DDX55: variants seen among roughly 807,000 people sequenced by gnomAD.
The protein encoded by DDX55 is DEAD-box helicase 55.
A neutral mutation model predicts 69.2 loss-of-function variants in DDX55; 56 were observed. The ratio of observed to expected loss-of-function variants is 0.81; its 90% CI spans 0.65 to 1.01. The LOEUF (loss-of-function observed/expected upper bound fraction) is 1.01. Among genes scored for constraint, DDX55 ranks in the 50% least tolerant of loss-of-function variants. The pLI is 0.00. For missense variants in DDX55, 720 were observed against 745.1 expected (o/e 0.97, Z 0.39); for synonymous variants, 268 against 273.1 (o/e 0.98, Z 0.18).
At position 123,613,182 on chromosome 12, in the gene DDX55, G is replaced by A; in HGVS notation, c.754G>A (p.Asp252Asn). ...TTTTATTTTGCAGGTATGCAAGGCA[G>A]ATGAGAAATTTAATCAGCTGGTCCA... The part of the protein sequence containing the change: ...LENYYMVCKA[D>N]EKFNQLVHFL... The change falls in exon 8 of 14, where the codon GAT becomes AAT. Residue 252 changes from aspartate (D) to asparagine (N), a missense_variant. Asp to Asn is a conservative substitution (Grantham distance 23, BLOSUM62 1). Coordinates refer to ENST00000238146, the MANE Select transcript of DDX55 (RefSeq NM_020936.3). 6.2e-7 allele frequency: 1 copy of A among 1,614,128 alleles called. No homozygotes were observed. Among genetic ancestry groups the A allele is most frequent in the East Asian group, 2.2e-5 (1 of 44,882 alleles).
intron 11 of DDX55, 40 bp downstream of exon 11, chr12:123,617,912 G>T: frequency 6.4e-7 from 1 of 1,564,188 alleles, no homozygotes; most frequent in Non-Finnish European, 8.8e-7. Context: ...GCCTAGTGAC[G>T]GGGTAGCTGG....
At chr12:123,619,759 C>A in intron 13 of DDX55, 35 bp downstream of exon 13, 2 of 1,544,072 alleles carry the variant, frequency 1.3e-6, no homozygotes, top group Non-Finnish European at 1.7e-6. Context: ...AACTTAGAAT[C>A]TTGAACAAAT....
chr12:123,610,651 G>A (rs1292156722), intron 7 of DDX55, among the ~76,000 whole-genome samples: 1 of 123,468 alleles, frequency 8.1e-6, no homozygotes, highest in Non-Finnish European at 1.6e-5. Flanking sequence ...TGGCTCTGTC[G>A]CCCAGGCTGG....
chr12:123,620,933 G>C lies in DDX55; in HGVS notation c.*793G>C, dbSNP rs1955084817. 1 of 152,092 alleles carries C rather than the reference G, an allele frequency of 6.6e-6. No homozygotes were observed. The highest frequency in any genetic ancestry group is 2.4e-5 in the African/African-American group (1 of 41,408). 9.4% of individuals were successfully genotyped at this position (152,092 alleles called of 1,614,324 possible). A position where few individuals can be genotyped will look rare whatever the true frequency, so the allele number is the denominator to read the frequency against. On this transcript the variant is annotated 3_prime_UTR_variant, in exon 14 of 14. Coordinates refer to ENST00000238146, the MANE Select transcript of DDX55 (RefSeq NM_020936.3). ...CCTCCTGTTGAATAAATGGTGTCCT[G>C]ATTGCCTGGGTCTTAAGTGTGTAAA... is the stretch of plus-strand genomic sequence containing the variant.
intron 7 of DDX55, among the ~76,000 whole-genome samples, chr12:123,612,838 AG>A (rs554408704): frequency 1.5e-5 from 2 of 135,696 alleles, no homozygotes; most frequent in African/African-American, 6.3e-5. Flanking sequence ...AAAAAAAAGA[AG>A]AAAAAAAAAG....
chr12:123,614,400 G>C (rs1048736628), intron 8 of DDX55, among the ~76,000 whole-genome samples: 2 of 152,186 alleles, frequency 1.3e-5, no homozygotes, highest in Admixed American at 1.3e-4. Context: ...CTAGTGGGAG[G>C]AGCATTAGAC....
rs1555284663 is a variant in DDX55, at chr12:123,620,619, T to TATATAA, written c.*484_*485insAATATA. On this transcript the variant is annotated 3_prime_UTR_variant, in exon 14 of 14. Coordinates refer to ENST00000238146, the MANE Select transcript of DDX55 (RefSeq NM_020936.3). ...ATATATATATATATATATATATATATATATATATAAGCTCTTTTTTCTGAG... is the reference window on the plus strand; with the variant it reads ...ATATATATATATATATATATATATATATATAAATATATATAAGCTCTTTTTTCTGAG... 89 of 120,546 alleles carry TATATAA rather than the reference T, an allele frequency of 7.4e-4. 1 individual carries two copies. Among genetic ancestry groups the TATATAA allele is most frequent in the African/African-American group, 2.9e-3 (80 of 27,298 alleles). 7.5% of individuals were successfully genotyped at this position (120,546 alleles called of 1,614,324 possible).
At position 123,607,529 on chromosome 12, in the gene DDX55, T is replaced by C. The variant is rs778710492; in HGVS notation, c.338+6T>C. On this transcript the variant is annotated splice_donor_region_variant and intron_variant, in intron 4 of 13. Coordinates refer to ENST00000238146, the MANE Select transcript of DDX55 (RefSeq NM_020936.3). ...AAGCACTTCCCCGAGTTCAGGTGAATTGGATGCAGTGTCCCTGTTAGTCAT... is the reference window on the plus strand; with the variant it reads ...AAGCACTTCCCCGAGTTCAGGTGAACTGGATGCAGTGTCCCTGTTAGTCAT... 5.6e-6 allele frequency: 9 copies of C among 1,614,190 alleles called. No individual in the cohort carries two copies. Among genetic ancestry groups the C allele is most frequent in the Middle Eastern group, 1.6e-4 (1 of 6,062 alleles).
At chr12:123,605,149 T>C (rs1290528300) in intron 1 of DDX55, 1 of 152,704 alleles carries the variant, frequency 6.5e-6, no homozygotes, top group African/African-American at 2.4e-5. Context: ...GCCTCCTGAG[T>C]AGCTGGGACT....
At chr12:123,603,209 G>C (rs1306561864) in intron 1 of DDX55, among the ~76,000 whole-genome samples, 3 of 152,074 alleles carry the variant, frequency 2.0e-5, no homozygotes. Context: ...GGCCTTTCCA[G>C]GCATAAGAGA....
At chr12:123,618,145 T>A (rs1285609799) in intron 11 of DDX55, 11 of 408,190 alleles carry the variant, frequency 2.7e-5, no homozygotes, top group African/African-American at 2.3e-4. Flanking sequence ...GCCTCCCAAG[T>A]AGCTGGGATT....
intron 8 of DDX55, among the ~76,000 whole-genome samples, chr12:123,613,527 G>T (rs947094631): frequency 6.6e-6 from 1 of 151,956 alleles, no homozygotes; most frequent in African/African-American, 2.4e-5. Flanking sequence ...CTTCCTATGT[G>T]TCACCTCATG....
chr12:123,611,977 G>C (rs576220627), intron 7 of DDX55, among the ~76,000 whole-genome samples: 1 of 152,294 alleles, frequency 6.6e-6, no homozygotes, highest in East Asian at 1.9e-4. Flanking sequence ...TCGTAGGGTT[G>C]CTGCAGGATT....
intron 7 of DDX55, among the ~76,000 whole-genome samples, chr12:123,611,058 C>T (rs1954205714): frequency 6.6e-6 from 1 of 151,986 alleles, no homozygotes; most frequent in African/African-American, 2.4e-5. Flanking sequence ...TGCCACCATG[C>T]CCAGCTAATT....
intron 8 of DDX55, among the ~76,000 whole-genome samples, chr12:123,613,615 G>T (rs56213464): frequency 0.21 from 31,861 of 152,072 alleles, 3,706 homozygotes; most frequent in Middle Eastern, 0.29. Context: ...AGGGGGCTTA[G>T]GGCAATGTTA....
At chr12:123,605,638 C>G in intron 1 of DDX55, 1 of 500,084 alleles carries the variant, frequency 2.0e-6, no homozygotes, top group Non-Finnish European at 3.7e-6. Context: ...CTGGAAGGGA[C>G]CCTAAAACCC....
rs549718141 is a variant in DDX55, at chr12:123,609,693, A to T, written c.552-246A>T. ...TGGCAGTTTTGTTGTTTTTTAATAA[A>T]CAGCTTTATGGGATATAATTCACAT... On this transcript the variant is annotated intron_variant, in intron 6 of 13. Transcript: ENST00000238146. 7.2e-5 allele frequency among the ~76,000 whole-genome samples: 11 copies of T among 152,194 alleles called. No individual in the cohort carries two copies. In the South Asian group the frequency reaches 2.3e-3, roughly 32 times the overall value.
chr12:123,615,052 T>A, intron 8 of DDX55, 133 bp from the exon 9 acceptor site: 1 of 1,243,644 alleles, frequency 8.0e-7, no homozygotes, highest in Non-Finnish European at 1.1e-6. Flanking sequence ...CCACTGCCAT[T>A]TTCCTTGTCA....
Position 123,607,621 on chromosome 12 carries a change from C to G in DDX55, c.360C>G (p.Gly120=), listed in dbSNP as rs1415259867. The change falls in exon 5 of 14, where the codon GGC becomes GGG. Residue 120 remains glycine (G), a synonymous_variant. Transcript: ENST00000238146. ...GTAGCCAGATTCTTTGGATCGGAGG[C>G]AGGAATCCTGGAGAAGATGTTGAGA... ...PEFSQILWIG[G]RNPGEDVERF... 6.2e-7 allele frequency: 1 copy of G among 1,614,094 alleles called. No individual in the cohort carries two copies. The highest frequency in any genetic ancestry group is 1.1e-5 in the South Asian group (1 of 91,084).
Sources: gnomAD v4.1 joint callset for allele counts (sites outside exome capture counted in the v4.1 genomes callset) on GRCh38, gnomAD v4.1.1 for gene constraint, MANE v1.5 for transcripts, NCBI Gene and HGNC (gene_info 2026-07-23, HGNC 2026-07-21) for gene names.